The following FOXP1 variants were observed in gnomAD, a reference collection of about 807,000 sequenced individuals.
FOXP1 encodes forkhead box P1.
A neutral mutation model predicts 98.2 loss-of-function variants in FOXP1; 15 were observed. The observed-to-expected ratio is 0.15, with a 90% confidence interval of 0.10 to 0.24. The LOEUF (loss-of-function observed/expected upper bound fraction) is 0.24. FOXP1 is among the 10% of genes least tolerant of loss of function. The pLI is 1.00. For missense variants in FOXP1, 633 were observed against 848.5 expected (o/e 0.75, Z 3.15); for synonymous variants, 371 against 314.5 (o/e 1.18, Z -1.90).
chr3:71,027,567 C>T (rs1305674040), intron 11 of FOXP1, among the ~76,000 whole-genome samples: 3 of 152,160 alleles, frequency 2.0e-5, no homozygotes, highest in Admixed American at 2.0e-4. Flanking sequence ...TTTAATTCAG[C>T]AGATTTAATT....
At chr3:70,979,300 A>AAAAAAAAAAAAG (rs2038308602) in intron 14 of FOXP1, among the ~76,000 whole-genome samples, 2 of 115,032 alleles carry the variant, frequency 1.7e-5, no homozygotes, top group Non-Finnish European at 3.9e-5. Flanking sequence ...AAAAAAAAAA[A>AAAAAAAAAAAAG]AAAAAAAAAA....
rs1297663987 is a variant in FOXP1, at chr3:71,231,004, T to C, written c.-11-32612A>G. 2.0e-5 allele frequency among the ~76,000 whole-genome samples: 3 copies of C among 152,174 alleles called. No homozygotes were observed. The East Asian group carries it at 5.8e-4, about 29-fold the overall frequency. On this transcript the variant is annotated intron_variant, in intron 5 of 20. Transcript: ENST00000649528. ...AGTAGAGTCTGACTATCCAGATACT[T>C]GTTTTTCCCTCCGCTCTTTAATCAT... is the stretch of plus-strand genomic sequence containing the variant.
chr3:71,293,480 A>T (rs999595592), intron 5 of FOXP1, among the ~76,000 whole-genome samples: 3 of 120,432 alleles, frequency 2.5e-5, no homozygotes, highest in South Asian at 2.7e-4. Flanking sequence ...CCCATTTCTT[A>T]AAAAAAAAAA....
At chr3:71,179,003 CTCTGTCT>C in intron 6 of FOXP1, among the ~76,000 whole-genome samples, 1 of 130,134 alleles carries the variant, frequency 7.7e-6, no homozygotes. Flanking sequence ...CTGGGAGGCA[CTCTGTCT>C]AAAAAAAAAA....
intron 4 of FOXP1, among the ~76,000 whole-genome samples, chr3:71,341,240 G>A (rs2076987466): frequency 1.3e-5 from 2 of 152,228 alleles, no homozygotes; most frequent in East Asian, 1.9e-4. Context: ...ACATGGCTCA[G>A]TAAATTTAAA....
chr3:71,394,437 T>C (rs1051891396), intron 3 of FOXP1, among the ~76,000 whole-genome samples: 2 of 152,178 alleles, frequency 1.3e-5, no homozygotes, highest in African/African-American at 4.8e-5. Context: ...AAGCAATGCC[T>C]AGGAACCAAT....
intron 2 of FOXP1, among the ~76,000 whole-genome samples, chr3:71,566,587 C>G (rs182636746): frequency 6.6e-6 from 1 of 152,170 alleles, no homozygotes; most frequent in Admixed American, 6.5e-5. Flanking sequence ...AATGCTCTGA[C>G]GTTCAAAATC....
intron 14 of FOXP1, among the ~76,000 whole-genome samples, chr3:70,987,537 T>C (rs1016208186): frequency 6.6e-6 from 1 of 152,250 alleles, no homozygotes; most frequent in African/African-American, 2.4e-5. Flanking sequence ...GTCTTTCCTC[T>C]GTTAAGAGTT....
intron 6 of FOXP1, among the ~76,000 whole-genome samples, chr3:71,118,191 C>T (rs1291327061): frequency 6.6e-6 from 1 of 152,192 alleles, no homozygotes; most frequent in East Asian, 1.9e-4. Context: ...TTCATACTAA[C>T]TTGGAACCTG....
intron 2 of FOXP1, among the ~76,000 whole-genome samples, chr3:71,574,760 G>A (rs1386520104): frequency 6.6e-6 from 1 of 152,154 alleles, no homozygotes; most frequent in East Asian, 1.9e-4. Flanking sequence ...AAACATGGAT[G>A]CAGGCAAGAC....
chr3:71,188,144 CAA>C (rs953651047), intron 6 of FOXP1, among the ~76,000 whole-genome samples: 30 of 152,278 alleles, frequency 2.0e-4, no homozygotes, highest in African/African-American at 7.2e-4. Flanking sequence ...TGTTGAAAAG[CAA>C]AAGACATTTT....
At chr3:71,429,927 T>A (rs913608839) in intron 3 of FOXP1, among the ~76,000 whole-genome samples, 2 of 152,210 alleles carry the variant, frequency 1.3e-5, no homozygotes, top group Non-Finnish European at 2.9e-5. Context: ...CAAACATATT[T>A]GCATATCCAG....
chr3:71,448,791 T>C (rs1468322538), intron 3 of FOXP1, among the ~76,000 whole-genome samples: 1 of 152,192 alleles, frequency 6.6e-6, no homozygotes, highest in African/African-American at 2.4e-5. Flanking sequence ...AATACCAAAT[T>C]ACCATTGCCA....
chr3:71,117,551 A>C (rs573697554), intron 6 of FOXP1, among the ~76,000 whole-genome samples: 14 of 152,240 alleles, frequency 9.2e-5, no homozygotes, highest in African/African-American at 2.9e-4. Context: ...TGTGTATGGG[A>C]GAGGGAGAGA....
intron 3 of FOXP1, among the ~76,000 whole-genome samples, chr3:71,476,191 C>A (rs2089823547): frequency 6.6e-6 from 1 of 152,136 alleles, no homozygotes. Flanking sequence ...AGGTTATAAT[C>A]CATGAGGGAA....
chr3:71,250,888 G>A (rs1000693572), intron 5 of FOXP1, among the ~76,000 whole-genome samples: 2 of 152,014 alleles, frequency 1.3e-5, no homozygotes, highest in Non-Finnish European at 2.9e-5. Context: ...CCGAAACTGC[G>A]CCACTGCACT....
chr3:71,582,274 G>C lies in FOXP1; in HGVS notation c.-446-577C>G, dbSNP rs1055764171. 2.0e-6 allele frequency: 2 copies of C among 983,134 alleles called. 1 individual carries two copies. Among genetic ancestry groups the C allele is most frequent in the South Asian group, 9.4e-5 (2 of 21,254 alleles). The allele number at this position is 983,134 out of a possible 1,614,324, so 60.9% of individuals were successfully genotyped here. A position where few individuals can be genotyped will look rare whatever the true frequency, so the allele number is the denominator to read the frequency against. ...AGGAATCTAAGTTTCCGAGCGCGACGTTGTCTGAAAAGGAGGGAGGCGGGA... is the reference window on the plus strand; with the variant it reads ...AGGAATCTAAGTTTCCGAGCGCGACCTTGTCTGAAAAGGAGGGAGGCGGGA... On this transcript the variant is annotated intron_variant, in intron 1 of 20. Transcript: ENST00000649528.
intron 5 of FOXP1, among the ~76,000 whole-genome samples, chr3:71,209,814 T>C (rs998555070): frequency 7.9e-5 from 12 of 152,230 alleles, no homozygotes; most frequent in African/African-American, 2.4e-5. Flanking sequence ...TTTCAATCTA[T>C]TTTACAGATA....
intron 11 of FOXP1, among the ~76,000 whole-genome samples, chr3:71,039,486 C>G (rs917898267): frequency 6.6e-6 from 1 of 152,098 alleles, no homozygotes; most frequent in African/African-American, 2.4e-5. Flanking sequence ...GAAAATGAAA[C>G]TGAGCACAGC....
Sources: allele counts gnomAD v4.1 joint callset (sites outside exome capture counted in the v4.1 genomes callset), GRCh38; gene constraint gnomAD v4.1.1; transcripts MANE v1.5; gene names NCBI Gene and HGNC (gene_info 2026-07-23, HGNC 2026-07-21).